The following PDE4B variants were observed in gnomAD, a reference collection of about 807,000 sequenced individuals.
The protein encoded by PDE4B is 3',5'-cyclic-AMP phosphodiesterase 4B.
PDE4B carries 20 observed loss-of-function variants against 82.2 expected under a neutral mutation model. The ratio of observed to expected loss-of-function variants is 0.24; its 90% CI spans 0.17 to 0.35. PDE4B has a LOEUF of 0.35. PDE4B is among the 10% of genes least tolerant of loss of function. The probability of loss-of-function intolerance (pLI) is 1.00; values close to 1 mark genes in which losing one functional copy is unlikely to be tolerated. For missense variants in PDE4B, 655 were observed against 907.2 expected (o/e 0.72, Z 3.57); for synonymous variants, 320 against 318.9 (o/e 1.00, Z -0.04).
intron 3 of PDE4B, among the ~76,000 whole-genome samples, chr1:66,110,314 A>C (rs1377371864): frequency 6.6e-6 from 1 of 151,992 alleles, no homozygotes; most frequent in Non-Finnish European, 1.5e-5. Flanking sequence ...AGGGACTGAG[A>C]GCTCTTCACT....
chr1:66,132,828 A>G (rs561430472), intron 3 of PDE4B, among the ~76,000 whole-genome samples: 2 of 152,302 alleles, frequency 1.3e-5, no homozygotes, highest in East Asian at 1.9e-4. Flanking sequence ...GCACTTAACA[A>G]TTCTCTTCTT....
intron 3 of PDE4B, among the ~76,000 whole-genome samples, chr1:65,951,546 T>C (rs1158804158): frequency 1.3e-5 from 2 of 152,104 alleles, no homozygotes; most frequent in African/African-American, 4.8e-5. Context: ...CCTGAGTTGA[T>C]TTAAGGCAGT....
intron 7 of PDE4B, among the ~76,000 whole-genome samples, chr1:66,302,696 A>C (rs554641115): frequency 1.3e-5 from 2 of 152,332 alleles, no homozygotes; most frequent in African/African-American, 4.8e-5. Context: ...ATTTGGTGGC[A>C]GTACAAAAAG....
chr1:66,033,788 C>CTTTT (rs4071541), intron 3 of PDE4B, among the ~76,000 whole-genome samples: 75 of 146,182 alleles, frequency 5.1e-4, no homozygotes, highest in Non-Finnish European at 6.0e-4. Flanking sequence ...TTCTTTCTTT[C>CTTTT]TTTTTTGTAA....
chr1:66,289,034 T>G (rs1169271963), intron 7 of PDE4B, among the ~76,000 whole-genome samples: 1 of 152,168 alleles, frequency 6.6e-6, no homozygotes, highest in African/African-American at 2.4e-5. Context: ...TGCCAGACAT[T>G]TTGCTAGGCA....
At chr1:66,293,160 G>A (rs538352550) in intron 7 of PDE4B, among the ~76,000 whole-genome samples, 2 of 152,226 alleles carry the variant, frequency 1.3e-5, no homozygotes, top group Non-Finnish European at 2.9e-5. Context: ...GAGGTCAGGC[G>A]GGGAGGGAGG....
intron 6 of PDE4B, among the ~76,000 whole-genome samples, chr1:66,260,616 G>A (rs1391147224): frequency 6.6e-6 from 1 of 152,116 alleles, no homozygotes; most frequent in Admixed American, 6.6e-5. Flanking sequence ...CGGGGTGGGT[G>A]GTGGTGTTCT....
chr1:65,881,546 A>G (rs1353553211), intron 1 of PDE4B, among the ~76,000 whole-genome samples: 1 of 152,178 alleles, frequency 6.6e-6, no homozygotes, highest in Non-Finnish European at 1.5e-5. Context: ...CAGAAAGAGC[A>G]ATTTACAAAC....
At chr1:66,006,962 C>T (rs946932385) in intron 3 of PDE4B, among the ~76,000 whole-genome samples, 2 of 151,670 alleles carry the variant, frequency 1.3e-5, no homozygotes, top group African/African-American at 2.4e-5. Flanking sequence ...CCCATCTCTA[C>T]AAAAATTAAA....
At chr1:65,903,789 G>A (rs921123391) in intron 1 of PDE4B, among the ~76,000 whole-genome samples, 1 of 152,052 alleles carries the variant, frequency 6.6e-6, no homozygotes, top group Admixed American at 6.6e-5. Flanking sequence ...TTTTTCGTAT[G>A]TCCACATAGA....
chr1:66,151,072 C>A (rs995953481), intron 3 of PDE4B, among the ~76,000 whole-genome samples: 1 of 151,120 alleles, frequency 6.6e-6, no homozygotes, highest in Admixed American at 6.6e-5. Flanking sequence ...AGTGTTTCCT[C>A]TTCTTTTATT....
chr1:66,100,373 A>G (rs1553145931), intron 3 of PDE4B, among the ~76,000 whole-genome samples: 2 of 151,836 alleles, frequency 1.3e-5, no homozygotes, highest in Non-Finnish European at 2.9e-5. Context: ...TTTTTCTTTC[A>G]CTTCTAACCT....
intron 3 of PDE4B, among the ~76,000 whole-genome samples, chr1:66,125,153 C>A (rs1645796451): frequency 7.2e-6 from 1 of 137,992 alleles, no homozygotes; most frequent in Non-Finnish European, 1.5e-5. Flanking sequence ...TTCATGATGG[C>A]CCATACTATT....
At chr1:65,978,025 ATTT>A (rs5774781) in intron 3 of PDE4B, among the ~76,000 whole-genome samples, 56 of 104,722 alleles carry the variant, frequency 5.3e-4, no homozygotes, top group Admixed American at 5.0e-4. Context: ...TTAATTTTTA[ATTT>A]TTTTTTTTTT....
intron 1 of PDE4B, among the ~76,000 whole-genome samples, chr1:65,827,138 C>T (rs1646028227): frequency 6.6e-6 from 1 of 152,132 alleles, no homozygotes; most frequent in African/African-American, 2.4e-5. Flanking sequence ...AACCCCCTTC[C>T]CTACGCTAAA....
At chr1:66,090,721 A>G (rs12125498) in intron 3 of PDE4B, among the ~76,000 whole-genome samples, 2 of 148,992 alleles carry the variant, frequency 1.3e-5, no homozygotes, top group African/African-American at 2.5e-5. Flanking sequence ...GTGTGTGTAT[A>G]TGTATATGTA....
intron 3 of PDE4B, among the ~76,000 whole-genome samples, chr1:65,972,931 T>A (rs997017803): frequency 3.3e-5 from 5 of 152,174 alleles, no homozygotes; most frequent in Non-Finnish European, 5.9e-5. Context: ...CTAAAGAAAA[T>A]TCTAGACTGG....
chr1:65,965,517 GATT>G (rs1649771372), intron 3 of PDE4B, among the ~76,000 whole-genome samples: 1 of 24,048 alleles, frequency 4.2e-5, no homozygotes, highest in African/African-American at 1.9e-4. Context: ...GGAATCTTGT[GATT>G]TTTTTTTTTT....
chr1:66,356,590 A>G (rs1404361541), intron 9 of PDE4B, among the ~76,000 whole-genome samples: 1 of 152,254 alleles, frequency 6.6e-6, no homozygotes, highest in East Asian at 1.9e-4. Flanking sequence ...TGGAATAGCC[A>G]TATGGCATTA....
Sources: allele counts gnomAD v4.1 joint callset (sites outside exome capture counted in the v4.1 genomes callset), GRCh38; gene constraint gnomAD v4.1.1; transcripts MANE v1.5; gene names NCBI Gene and HGNC (gene_info 2026-07-23, HGNC 2026-07-21).